The following PGBD5 variants were observed in gnomAD, a reference collection of about 807,000 sequenced individuals.
PGBD5 encodes piggyBac transposable element-derived protein 5.
In PGBD5, 14 loss-of-function variants were observed where a neutral mutation model predicts 47.9. That is an observed-to-expected ratio of 0.29 (90% confidence interval 0.19 to 0.46). PGBD5 has a LOEUF of 0.46. PGBD5 is among the 20% of genes least tolerant of loss of function. PGBD5 has a pLI of 1.00. For missense variants in PGBD5, 635 were observed against 716.0 expected (o/e 0.89, Z 1.29); for synonymous variants, 316 against 306.3 (o/e 1.03, Z -0.33).
rs142951172 is a variant in PGBD5 at position 230,357,005 on chromosome 1, G to A, written c.648C>T (p.His216=). The part of the protein sequence containing the change: ...ARFEKILKYF[H]VVAFRSSQTT... ...TCTGGCTGGAGCGGAAGGCCACGAC[G>A]TGGAAGTACTTGAGGATCTTCTCGA... is the stretch of plus-strand genomic sequence containing the variant. Residue 216 remains histidine (H), a synonymous_variant, in exon 2 of 7, where the codon CAC becomes CAT. Coordinates refer to ENST00000391860, the MANE Select transcript of PGBD5 (RefSeq NM_001258311.2). This position sits in a 1 kb window ranked among gnomAD's most constrained non-coding sequence, Gnocchi z 5.7. 8.1e-6 allele frequency: 13 copies of A among 1,614,088 alleles called. No individual in the cohort carries two copies. The highest frequency in any genetic ancestry group is 2.7e-5 in the African/African-American group (2 of 74,926).
chr1:230,362,283 T>C (rs755871485), intron 1 of PGBD5: 1 of 1,367,448 alleles, frequency 7.3e-7, no homozygotes, highest in South Asian at 1.1e-5. Context: ...CTCCATGCTC[T>C]GCACTGAGTT....
chr1:230,369,919 G>C (rs1667900935), intron 1 of PGBD5, among the ~76,000 whole-genome samples: 1 of 152,190 alleles, frequency 6.6e-6, no homozygotes, highest in South Asian at 2.1e-4. Context: ...TAAGGAAAAG[G>C]GTAGCTAGGA....
rs1483693040 is a variant in PGBD5, at chr1:230,357,070, T to C, written c.583A>G (p.Ser195Gly). 1 of 1,614,060 alleles carries C rather than the reference T, an allele frequency of 6.2e-7. No individual in the cohort carries two copies. Among genetic ancestry groups the C allele is most frequent in the East Asian group, 2.2e-5 (1 of 44,890 alleles). The change falls in exon 2 of 7, where the codon AGC (serine) becomes GGC (glycine). Residue 195 changes from serine to glycine, a missense_variant. Ser to Gly is a moderately conservative substitution (Grantham distance 56). Transcript: ENST00000391860. This position sits in a 1 kb window ranked among gnomAD's most constrained non-coding sequence, Gnocchi z 5.7. ...ATGACGAGGGCGAGGCTGCGGTTGC[T>C]GTAGAAGCCTCCGCTCCAGATGCTG... ...VLSIWSGGFYSNRSLALVMSQ... is the reference protein window; with the variant it reads ...VLSIWSGGFYGNRSLALVMSQ...
intron 1 of PGBD5, among the ~76,000 whole-genome samples, chr1:230,418,476 G>A (rs1329333569): frequency 6.6e-6 from 1 of 152,110 alleles, no homozygotes; most frequent in Non-Finnish European, 1.5e-5. Context: ...GGGGCAGGTA[G>A]GAATCTTCAG....
At chr1:230,337,072 T>C (rs1245807699) in intron 4 of PGBD5, 36 bp downstream of exon 4, 3 of 1,599,908 alleles carry the variant, frequency 1.9e-6, no homozygotes, top group Non-Finnish European at 2.6e-6. Flanking sequence ...CAGGGGAGGC[T>C]GGGCCGTATC....
intron 5 of PGBD5, among the ~76,000 whole-genome samples, chr1:230,332,535 G>A (rs539866745): frequency 6.6e-6 from 1 of 152,158 alleles, no homozygotes; most frequent in South Asian, 2.1e-4. Flanking sequence ...AGACGACAAA[G>A]TGAAATGCCA....
chr1:230,355,099 T>C (rs2102704308), intron 2 of PGBD5, among the ~76,000 whole-genome samples: 1 of 152,308 alleles, frequency 6.6e-6, no homozygotes, highest in South Asian at 2.1e-4. Flanking sequence ...ACGATCATCC[T>C]TCTAGGCTCT....
At chr1:230,343,100 C>T (rs1159856747) in intron 3 of PGBD5, among the ~76,000 whole-genome samples, 1 of 152,132 alleles carries the variant, frequency 6.6e-6, no homozygotes, top group African/African-American at 2.4e-5. Context: ...CTCTCATTGC[C>T]CAGTTTCTCT....
rs553257048 is a variant in PGBD5 at position 230,425,366 on chromosome 1, T to C, written c.331+232A>G. Among the ~76,000 whole-genome samples, 125 of 152,238 alleles carry C rather than the reference T, an allele frequency of 8.2e-4. 1 individual carries two copies. The South Asian group carries it at 0.01, about 13-fold the overall frequency. On this transcript the variant is annotated intron_variant, in intron 1 of 6. Transcript: ENST00000391860. The surrounding 1 kb of genome is among the most constrained non-coding windows in gnomAD (Gnocchi z 4.7). ...GTGAAGGAAAAGGTCCCCGACGACA[T>C]TGTCACTGGAAAAGTGCTGGCCACG...
At chr1:230,388,392 G>A (rs1197974138) in intron 1 of PGBD5, among the ~76,000 whole-genome samples, 10 of 151,804 alleles carry the variant, frequency 6.6e-5, no homozygotes, top group Non-Finnish European at 4.4e-5. Flanking sequence ...TGACAACTGC[G>A]GCCACTTCCC....
At chr1:230,419,384 A>G (rs1300108836) in intron 1 of PGBD5, among the ~76,000 whole-genome samples, 3 of 117,272 alleles carry the variant, frequency 2.6e-5, no homozygotes, top group Non-Finnish European at 1.7e-5. Flanking sequence ...GAAGATGGCA[A>G]AAATAGATAC....
intron 4 of PGBD5, 21 bp downstream of exon 4, chr1:230,337,087 C>A: frequency 6.2e-7 from 1 of 1,609,990 alleles, no homozygotes; most frequent in Non-Finnish European, 8.5e-7. Flanking sequence ...CGTATCCTCA[C>A]TGGCTCCCCA....
At chr1:230,379,453 A>T (rs1232872328) in intron 1 of PGBD5, among the ~76,000 whole-genome samples, 1 of 152,210 alleles carries the variant, frequency 6.6e-6, no homozygotes, top group South Asian at 2.1e-4. Flanking sequence ...CATCATTATT[A>T]GAATTAACTT....
At chr1:230,411,644 G>A (rs182108216) in intron 1 of PGBD5, among the ~76,000 whole-genome samples, 2 of 152,296 alleles carry the variant, frequency 1.3e-5, no homozygotes, top group East Asian at 3.9e-4. Context: ...CCAAACTTGA[G>A]AGATGAGAAA....
At chr1:230,409,154 T>G (rs1268661337) in intron 1 of PGBD5, among the ~76,000 whole-genome samples, 2 of 152,124 alleles carry the variant, frequency 1.3e-5, no homozygotes, top group Non-Finnish European at 2.9e-5. Flanking sequence ...AAAACCTCAA[T>G]GAGCTTCCAC....
chr1:230,370,213 G>A lies in PGBD5; in HGVS notation c.332-12892C>T, dbSNP rs570374903. 2.4e-4 allele frequency among the ~76,000 whole-genome samples: 36 copies of A among 152,330 alleles called. No homozygotes were observed. The South Asian group carries it at 7.0e-3, about 30-fold the overall frequency. Reference sequence around the variant, plus strand: ...GACAGGGCAGGGCGCTACCTGCCTTGCCCTGACACTGCTGGTCCCATCGTG... The same window carrying A: ...GACAGGGCAGGGCGCTACCTGCCTTACCCTGACACTGCTGGTCCCATCGTG... On this transcript the variant is annotated intron_variant, in intron 1 of 6. Coordinates refer to ENST00000391860, the MANE Select transcript of PGBD5 (RefSeq NM_001258311.2).
intron 1 of PGBD5, among the ~76,000 whole-genome samples, chr1:230,401,424 G>A (rs1364986053): frequency 6.6e-6 from 1 of 152,208 alleles, no homozygotes; most frequent in Non-Finnish European, 1.5e-5. Flanking sequence ...CTTGTCACAT[G>A]AGGGCCTGAT....
At chr1:230,369,829 A>G (rs4846951) in intron 1 of PGBD5, among the ~76,000 whole-genome samples, 1,897 of 152,240 alleles carry the variant, frequency 0.012, 95 homozygotes, top group East Asian at 0.085. Flanking sequence ...CTCCCTGGCT[A>G]CTAATTATAT....
intron 1 of PGBD5, among the ~76,000 whole-genome samples, chr1:230,390,678 C>G (rs886870812): frequency 1.3e-5 from 2 of 152,146 alleles, no homozygotes; most frequent in African/African-American, 4.8e-5. Flanking sequence ...CCAGGGAAGG[C>G]TTCCTGGGAC....
Sources: gnomAD v4.1 joint callset for allele counts (sites outside exome capture counted in the v4.1 genomes callset) on GRCh38, gnomAD v4.1.1 for gene constraint, Gnocchi (gnomAD v3.1) non-coding constraint, MANE v1.5 for transcripts, NCBI Gene and HGNC (gene_info 2026-07-23, HGNC 2026-07-21) for gene names.